COL6A6: variants seen among roughly 807,000 people sequenced by gnomAD.
COL6A6 encodes the protein collagen alpha-6(VI) chain.
COL6A6 carries 183 observed loss-of-function variants against 208.6 expected under a neutral mutation model. The ratio of observed to expected loss-of-function variants is 0.88; its 90% confidence interval spans 0.78 to 0.99. COL6A6 has a LOEUF of 0.99. Ranked by LOEUF, COL6A6 falls within the 50% of genes least tolerant of loss-of-function variation. The pLI is 0.00. For synonymous variants in COL6A6, 973 were observed against 1,011.8 expected, an observed-to-expected ratio of 0.96 and a Z score of 0.73; for missense variants, 2,816 against 2,815.2, an observed-to-expected ratio of 1.00 and a Z score of -0.01.
At chr3:130,567,922 T>A in intron 5 of COL6A6, 125 bp from the exon 6 acceptor site, 2 of 673,636 alleles carry the variant, frequency 3.0e-6, no homozygotes, top group Non-Finnish European at 5.0e-6. Flanking sequence ...TAAGCTTTAT[T>A]TACTACTAAT....
Position 130,675,375 on chromosome 3 carries a change from G to A in COL6A6, c.6770G>A (p.Ser2257Asn), listed in dbSNP as rs1459616454. Residue 2257 changes from serine to asparagine, a missense_variant, in exon 37 of 37, where the codon AGT (serine) becomes AAT (asparagine). By Grantham distance (46) the Ser-to-Asn change is conservative. Coordinates refer to ENST00000358511, the MANE Select transcript of COL6A6 (RefSeq NM_001102608.3). The stretch of plus-strand genomic sequence containing the variant: ...TTTAAGAATGGAAGGATGATAGAAA[G>A]TGCTCCCAAACAACATGATTAAAAA... ...HTFKNGRMIESAPKQHD is the reference protein window; with the variant it reads ...HTFKNGRMIENAPKQHD The A allele has an allele frequency of 1.3e-6, 2 of 1,589,682 alleles. No homozygotes were observed. Among genetic ancestry groups the A allele is most frequent in the Non-Finnish European group, 1.7e-6 (2 of 1,168,468 alleles).
At chr3:130,568,705 TG>T (rs200379228) in intron 6 of COL6A6, 101 bp downstream of exon 6, 21,488 of 1,141,254 alleles carry the variant, frequency 0.019, 325 homozygotes, top group South Asian at 0.05. Flanking sequence ...TGTAAACTTT[TG>T]GTTTAATTGA....
intron 1 of COL6A6, among the ~76,000 whole-genome samples, chr3:130,525,000 A>G (rs1298961908): frequency 1.3e-5 from 2 of 152,228 alleles, no homozygotes; most frequent in South Asian, 2.1e-4. Context: ...TTCTACATCA[A>G]TGAACTCAGC....
chr3:130,573,834 G>T (rs564314421), intron 7 of COL6A6, 122 bp from the exon 8 acceptor site: 4 of 659,042 alleles, frequency 6.1e-6, no homozygotes, highest in East Asian at 5.5e-5. Flanking sequence ...CTCCCAAAGT[G>T]CTGGGATTAC....
chr3:130,579,951 AT>A (rs1302998094), intron 8 of COL6A6, among the ~76,000 whole-genome samples: 3 of 152,246 alleles, frequency 2.0e-5, no homozygotes, highest in Admixed American at 6.5e-5. Context: ...TCATTTGTCA[AT>A]TCAAATTAAA....
chr3:130,581,821 GTTAAA>G lies in COL6A6; in HGVS notation c.3809_3813del (p.Val1270GlyfsTer20), dbSNP rs2063429888. 2 of 1,613,318 alleles carry G rather than the reference GTTAAA, an allele frequency of 1.2e-6. No homozygotes were observed. Among genetic ancestry groups the G allele is most frequent in the African/African-American group, 2.7e-5 (2 of 74,924 alleles). On this transcript the variant is annotated frameshift_variant, in exon 9 of 37. Transcript: ENST00000358511. LOFTEE classifies it high-confidence loss of function. ...ACTGAATAGCTTGAAGGATATAACA[GTTAAA>G]GGACCATCTCTTCTCAATGCAAACC...
chr3:130,583,373 G>C (rs768245725), intron 10 of COL6A6, among the ~76,000 whole-genome samples: 10 of 152,172 alleles, frequency 6.6e-5, no homozygotes, highest in African/African-American at 9.6e-5. Flanking sequence ...GATGGGTAGG[G>C]TTGTTTTGGT....
chr3:130,545,151 T>G (rs1321158060), intron 1 of COL6A6, among the ~76,000 whole-genome samples: 2 of 152,194 alleles, frequency 1.3e-5, no homozygotes, highest in Non-Finnish European at 2.9e-5. Flanking sequence ...TTTTATCATA[T>G]CAGGTCTTAT....
chr3:130,534,958 G>A (rs1030851782), intron 1 of COL6A6, among the ~76,000 whole-genome samples: 4 of 151,824 alleles, frequency 2.6e-5, no homozygotes, highest in South Asian at 2.1e-4. Flanking sequence ...GGCATCTATC[G>A]ATATGAATGA....
intron 1 of COL6A6, among the ~76,000 whole-genome samples, chr3:130,543,080 A>G (rs1487122621): frequency 1.3e-5 from 2 of 151,536 alleles, no homozygotes; most frequent in Admixed American, 6.6e-5. Flanking sequence ...TAATTTTTGT[A>G]TTTTTAGTAG....
At chr3:130,549,659 A>G (rs1436381270) in intron 1 of COL6A6, among the ~76,000 whole-genome samples, 3 of 151,862 alleles carry the variant, frequency 2.0e-5, no homozygotes, top group Non-Finnish European at 4.4e-5. Flanking sequence ...TCTTTTCCCT[A>G]TTGCTTGTTT....
At chr3:130,611,623 A>T (rs1297041134) in intron 23 of COL6A6, among the ~76,000 whole-genome samples, 1 of 152,198 alleles carries the variant, frequency 6.6e-6, no homozygotes, top group Non-Finnish European at 1.5e-5. Flanking sequence ...CACAGTTGGA[A>T]ATTGTGTTCT....
At chr3:130,611,748 T>C (rs999629161) in intron 23 of COL6A6, among the ~76,000 whole-genome samples, 5 of 152,230 alleles carry the variant, frequency 3.3e-5, no homozygotes, top group Admixed American at 6.5e-5. Flanking sequence ...TTTAAGAGGC[T>C]ATTTGCATAA....
chr3:130,611,556 T>C (rs1424162772), intron 23 of COL6A6, among the ~76,000 whole-genome samples: 1 of 152,202 alleles, frequency 6.6e-6, no homozygotes, highest in South Asian at 2.1e-4. Flanking sequence ...ACCTGGCACA[T>C]AGTAGAGCTC....
chr3:130,650,697 G>A (rs188905356), intron 33 of COL6A6, among the ~76,000 whole-genome samples: 29 of 152,234 alleles, frequency 1.9e-4, no homozygotes, highest in South Asian at 6.2e-4. Flanking sequence ...GTCTTCAAGC[G>A]TATGAAAAAG....
At chr3:130,571,963 G>A (rs2063178173) in intron 7 of COL6A6, among the ~76,000 whole-genome samples, 1 of 150,200 alleles carries the variant, frequency 6.7e-6, no homozygotes, top group African/African-American at 2.5e-5. Context: ...GATTACAAGT[G>A]TGGGCCACTA....
intron 1 of COL6A6, among the ~76,000 whole-genome samples, chr3:130,547,481 G>A (rs368537311): frequency 2.0e-5 from 3 of 152,208 alleles, no homozygotes; most frequent in Non-Finnish European, 4.4e-5. Flanking sequence ...AGCCGGCTCC[G>A]GCCTTGGCCA....
At chr3:130,550,005 G>A in intron 1 of COL6A6, among the ~76,000 whole-genome samples, 1 of 152,270 alleles carries the variant, frequency 6.6e-6, no homozygotes. Flanking sequence ...CAGCGTTTCA[G>A]AAGTCTCATT....
chr3:130,577,780 CA>C (rs2063330730), intron 8 of COL6A6, among the ~76,000 whole-genome samples: 1 of 152,174 alleles, frequency 6.6e-6, no homozygotes, highest in Non-Finnish European at 1.5e-5. Flanking sequence ...AGAAGTGAGA[CA>C]GTGAATTGGA....
Sources: allele counts gnomAD v4.1 joint callset (sites outside exome capture counted in the v4.1 genomes callset), GRCh38; gene constraint gnomAD v4.1.1; transcripts MANE v1.5; gene names NCBI Gene and HGNC (gene_info 2026-07-23, HGNC 2026-07-21).